The following DLC1 variants were observed in gnomAD, a reference collection of about 807,000 sequenced individuals.
The protein encoded by DLC1 is DLC1 Rho GTPase activating protein.
Under a neutral mutation model 140.3 loss-of-function variants are expected in DLC1, and 54 were observed. That is an observed-to-expected ratio of 0.38 (90% CI 0.31 to 0.48). The LOEUF (loss-of-function observed/expected upper bound fraction) is 0.48, where lower values mean the gene tolerates loss of function less well. Among genes scored for constraint, DLC1 ranks in the 20% least tolerant of loss-of-function variants. The pLI is 0.96. For missense variants in DLC1, 2,536 were observed against 1,907.0 expected (o/e 1.33, Z -6.14); for synonymous variants, 986 against 728.1 (o/e 1.35, Z -5.70).
intron 4 of DLC1, among the ~76,000 whole-genome samples, chr8:13,386,174 A>G (rs1428783829): frequency 2.0e-5 from 3 of 152,184 alleles, no homozygotes; most frequent in Admixed American, 6.5e-5. Flanking sequence ...GCAAAGTACT[A>G]TTCATATGAC....
intron 2 of DLC1, among the ~76,000 whole-genome samples, chr8:13,477,253 A>G (rs77167800): frequency 0.022 from 3,369 of 152,296 alleles, 121 homozygotes; most frequent in African/African-American, 0.074. Context: ...TTCCTTCCTC[A>G]GTGAAGATAT....
chr8:13,174,615 T>C (rs1412461749), intron 5 of DLC1, among the ~76,000 whole-genome samples: 3 of 152,166 alleles, frequency 2.0e-5, no homozygotes, highest in Non-Finnish European at 4.4e-5. Flanking sequence ...CTCTGATGAT[T>C]AGTGATGATA....
chr8:13,437,730 AGAT>A (rs1258521942), intron 2 of DLC1, among the ~76,000 whole-genome samples: 9 of 152,318 alleles, frequency 5.9e-5, no homozygotes, highest in Admixed American at 4.6e-4. Context: ...ACCTGGCTGC[AGAT>A]GATGTGTTTA....
chr8:13,555,836 CAAT>C (rs947155814), intron 1 of DLC1, among the ~76,000 whole-genome samples: 1 of 151,644 alleles, frequency 6.6e-6, no homozygotes, highest in Non-Finnish European at 1.5e-5. Flanking sequence ...AGAAAGGACT[CAAT>C]GATAGTAAGT....
chr8:13,258,164 T>C (rs1830330889), intron 5 of DLC1, among the ~76,000 whole-genome samples: 1 of 152,170 alleles, frequency 6.6e-6, no homozygotes, highest in Non-Finnish European at 1.5e-5. Context: ...TTCCAGTCCC[T>C]GAAGATTAAC....
chr8:13,270,875 A>G (rs1234379918), intron 5 of DLC1, among the ~76,000 whole-genome samples: 1 of 152,146 alleles, frequency 6.6e-6, no homozygotes, highest in African/African-American at 2.4e-5. Context: ...GTATATGTCA[A>G]TGACTCTCTA....
intron 4 of DLC1, among the ~76,000 whole-genome samples, chr8:13,365,276 C>T (rs1835427129): frequency 6.6e-6 from 1 of 152,082 alleles, no homozygotes; most frequent in Non-Finnish European, 1.5e-5. Flanking sequence ...GCATGCTAGG[C>T]TATTGAATGC....
chr8:13,337,519 T>C (rs73564696), intron 4 of DLC1, among the ~76,000 whole-genome samples: 1,569 of 152,290 alleles, frequency 0.01, 28 homozygotes, highest in African/African-American at 0.036. Flanking sequence ...ATTAACATCA[T>C]GAATTGTAAA....
intron 7 of DLC1, among the ~76,000 whole-genome samples, chr8:13,104,881 A>C (rs1273963535): frequency 1.3e-5 from 2 of 152,242 alleles, no homozygotes; most frequent in Non-Finnish European, 2.9e-5. Context: ...TGCACACTTT[A>C]AAATGAGTGG....
chr8:13,374,454 T>C (rs981222169), intron 4 of DLC1, among the ~76,000 whole-genome samples: 3 of 152,094 alleles, frequency 2.0e-5, no homozygotes, highest in African/African-American at 7.2e-5. Flanking sequence ...AGAGTGTATA[T>C]GAGTGAGGGA....
At chr8:13,277,660 A>T (rs1425828411) in intron 5 of DLC1, among the ~76,000 whole-genome samples, 1 of 152,132 alleles carries the variant, frequency 6.6e-6, no homozygotes, top group African/African-American at 2.4e-5. Flanking sequence ...AATTTGGCAG[A>T]TTTTTTGCCT....
chr8:13,093,793 G>C (rs1042735623), intron 12 of DLC1, among the ~76,000 whole-genome samples: 5 of 152,170 alleles, frequency 3.3e-5, no homozygotes, highest in African/African-American at 9.7e-5. Context: ...GCCAATCCTA[G>C]AGACAATTTG....
chr8:13,371,017 A>G (rs1029189470), intron 4 of DLC1, among the ~76,000 whole-genome samples: 4 of 152,136 alleles, frequency 2.6e-5, no homozygotes, highest in African/African-American at 9.7e-5. Flanking sequence ...CATACGAACT[A>G]AGTATTATTG....
At chr8:13,342,140 T>A (rs958734820) in intron 4 of DLC1, 1 of 152,212 alleles carries the variant, frequency 6.6e-6, no homozygotes, top group African/African-American at 2.4e-5. Flanking sequence ...TGAGGTATCA[T>A]GAAATTAAAG....
intron 1 of DLC1, among the ~76,000 whole-genome samples, chr8:13,538,449 G>A (rs564050417): frequency 6.6e-5 from 10 of 152,020 alleles, no homozygotes; most frequent in South Asian, 2.1e-4. Context: ...ACAGCTGTGC[G>A]CTCCTCCTAG....
At chr8:13,288,761 C>T (rs745511680) in intron 5 of DLC1, among the ~76,000 whole-genome samples, 17 of 152,134 alleles carry the variant, frequency 1.1e-4, no homozygotes, top group Non-Finnish European at 2.5e-4. Context: ...TATTGCTGGC[C>T]TGCAACTTTC....
At chr8:13,402,629 C>T (rs952549207) in intron 2 of DLC1, among the ~76,000 whole-genome samples, 4 of 152,134 alleles carry the variant, frequency 2.6e-5, no homozygotes, top group Admixed American at 1.3e-4. Flanking sequence ...TTAAAAGGAC[C>T]ACCAGTGGCT....
Position 13,358,812 on chromosome 8 carries a change from A to G in DLC1, c.1314+34741T>C, listed in dbSNP as rs1387708886. On this transcript the variant is annotated intron_variant, in intron 4 of 17. Coordinates refer to ENST00000276297, the MANE Select transcript of DLC1 (RefSeq NM_182643.3). The stretch of plus-strand genomic sequence containing the variant: ...TTTTCTTTACTTTCTCTTTAGGTAT[A>G]TACTCAGTGACAAAGTTATTAAAAA... Among the ~76,000 whole-genome samples the G allele has an allele frequency of 2.0e-5, 3 of 152,194 alleles. No homozygotes were observed. The East Asian group carries it at 5.8e-4, about 29-fold the overall frequency.
intron 1 of DLC1, among the ~76,000 whole-genome samples, chr8:13,528,803 G>T (rs1803001553): frequency 6.6e-6 from 1 of 152,176 alleles, no homozygotes; most frequent in African/African-American, 2.4e-5. Flanking sequence ...AACTCCACAT[G>T]CAAAGTCAGT....
Sources: gnomAD v4.1 joint callset for allele counts (sites outside exome capture counted in the v4.1 genomes callset) on GRCh38, gnomAD v4.1.1 for gene constraint, MANE v1.5 for transcripts, NCBI Gene and HGNC (gene_info 2026-07-23, HGNC 2026-07-21) for gene names.